The following PLSCR1 variants were observed in gnomAD, a reference collection of about 807,000 sequenced individuals.
PLSCR1 encodes the protein phospholipid scramblase 1, also known as PL scramblase 1.
PLSCR1 carries 17 observed loss-of-function variants against 37.8 expected under a neutral mutation model. That is an observed-to-expected ratio of 0.45 (90% CI 0.31 to 0.68). PLSCR1 has a LOEUF of 0.68. PLSCR1 is among the 30% of genes least tolerant of loss of function. PLSCR1 has a pLI of 0.06. For missense variants in PLSCR1, 347 were observed against 380.9 expected (o/e 0.91, Z 0.74); for synonymous variants, 116 against 125.9 (o/e 0.92, Z 0.53).
chr3:146,529,674 A>G (rs2044169609), intron 3 of PLSCR1, among the ~76,000 whole-genome samples: 1 of 151,916 alleles, frequency 6.6e-6, no homozygotes, highest in Non-Finnish European at 1.5e-5. Flanking sequence ...CACCACGCCC[A>G]GCTAATTTTT....
intron 5 of PLSCR1, among the ~76,000 whole-genome samples, chr3:146,524,250 C>A (rs1415268326): frequency 6.6e-6 from 1 of 152,004 alleles, no homozygotes; most frequent in African/African-American, 2.4e-5. Flanking sequence ...CTTTAAGTTT[C>A]TTTTCATTTA....
intron 7 of PLSCR1, 61 bp from the exon 8 acceptor site, chr3:146,517,228 A>C: frequency 1.1e-6 from 1 of 940,994 alleles, no homozygotes; most frequent in Non-Finnish European, 1.5e-6. Context: ...AGTACTTTCA[A>C]ATTTGAAGTA....
intron 1 of PLSCR1, among the ~76,000 whole-genome samples, chr3:146,543,357 C>T (rs2044361907): frequency 6.6e-6 from 1 of 151,324 alleles, no homozygotes; most frequent in African/African-American, 2.4e-5. Flanking sequence ...TTGCATAAAT[C>T]CACTCTTTCC....
chr3:146,532,327 T>C (rs1342102856), intron 3 of PLSCR1, among the ~76,000 whole-genome samples: 1 of 152,212 alleles, frequency 6.6e-6, no homozygotes, highest in Non-Finnish European at 1.5e-5. Context: ...GAGCAGATGT[T>C]CTCAACCCTG....
At chr3:146,528,505 T>C (rs2044150355) in intron 4 of PLSCR1, 109 bp downstream of exon 4, 1 of 859,748 alleles carries the variant, frequency 1.2e-6, no homozygotes, top group Non-Finnish European at 1.9e-6. Flanking sequence ...TAGCAGAAAA[T>C]ACAGTTTTGC....
At chr3:146,534,945 A>G (rs2738923) in intron 2 of PLSCR1, among the ~76,000 whole-genome samples, 41,766 of 152,030 alleles carry the variant, frequency 0.27, 5,997 homozygotes, top group African/African-American at 0.33. Context: ...TTCCCTGGAC[A>G]AACATTGCAA....
intron 1 of PLSCR1, among the ~76,000 whole-genome samples, chr3:146,537,356 G>A (rs895150300): frequency 2.0e-5 from 3 of 151,892 alleles, no homozygotes; most frequent in African/African-American, 4.8e-5. Context: ...CCCTTTTAGC[G>A]ACAATGCATT....
chr3:146,527,360 G>A (rs1014822090), intron 4 of PLSCR1, among the ~76,000 whole-genome samples: 2 of 152,148 alleles, frequency 1.3e-5, no homozygotes, highest in African/African-American at 2.4e-5. Flanking sequence ...ACTAAGAAAT[G>A]ATAAATATTA....
At chr3:146,539,240 C>T (rs762258367) in intron 1 of PLSCR1, among the ~76,000 whole-genome samples, 1 of 152,178 alleles carries the variant, frequency 6.6e-6, no homozygotes, top group Non-Finnish European at 1.5e-5. Context: ...AGATCCCTCA[C>T]ACATGCAGTT....
At chr3:146,524,832 G>A (rs1467024479) in intron 5 of PLSCR1, among the ~76,000 whole-genome samples, 1 of 152,156 alleles carries the variant, frequency 6.6e-6, no homozygotes, top group Non-Finnish European at 1.5e-5. Context: ...TTTACCAGTG[G>A]AAAGAAACTT....
At chr3:146,517,430 T>C in intron 7 of PLSCR1, 1 of 180,604 alleles carries the variant, frequency 5.5e-6, no homozygotes, top group Non-Finnish European at 1.1e-5. Context: ...ATAAATTATT[T>C]GAATTGACCC....
intron 2 of PLSCR1, among the ~76,000 whole-genome samples, chr3:146,534,359 AT>A (rs34050345): frequency 0.27 from 41,704 of 151,920 alleles, 5,967 homozygotes; most frequent in African/African-American, 0.33. Flanking sequence ...TTATCTCCTT[AT>A]CTGTTTCCTT....
intron 1 of PLSCR1, among the ~76,000 whole-genome samples, chr3:146,539,544 A>C (rs2044310262): frequency 6.6e-6 from 1 of 152,172 alleles, no homozygotes; most frequent in African/African-American, 2.4e-5. Context: ...AACAACCATG[A>C]ATACACATGG....
At chr3:146,531,092 A>G (rs562001368) in intron 3 of PLSCR1, among the ~76,000 whole-genome samples, 2 of 152,300 alleles carry the variant, frequency 1.3e-5, no homozygotes, top group East Asian at 1.9e-4. Flanking sequence ...GTCGCTATTG[A>G]GATGGGAAGA....
At chr3:146,535,962 T>A (rs890234166) in intron 2 of PLSCR1, among the ~76,000 whole-genome samples, 1 of 152,208 alleles carries the variant, frequency 6.6e-6, no homozygotes, top group Non-Finnish European at 1.5e-5. Context: ...CCCTATGTAG[T>A]GGGAATTTTG....
intron 4 of PLSCR1, among the ~76,000 whole-genome samples, chr3:146,526,183 C>CAAAAAAAAAAAAAAAAAAAAAAGAAAAA: frequency 2.3e-5 from 1 of 42,822 alleles, no homozygotes; most frequent in Non-Finnish European, 4.1e-5. Context: ...GACTCCATCT[C>CAAAAAAAAAAAAAAAAAAAAAAGAAAAA]AAAAAAAAAA....
At chr3:146,527,756 AAG>A (rs1409660098) in intron 4 of PLSCR1, among the ~76,000 whole-genome samples, 1 of 152,218 alleles carries the variant, frequency 6.6e-6, no homozygotes, top group Non-Finnish European at 1.5e-5. Context: ...TAAGTTACTA[AAG>A]AGAGTGCAAG....
chr3:146,540,555 CT>C (rs1474606133), intron 1 of PLSCR1, among the ~76,000 whole-genome samples: 4 of 152,132 alleles, frequency 2.6e-5, no homozygotes, highest in Non-Finnish European at 5.9e-5. Context: ...GGGAAGCATA[CT>C]TAATTTTGAA....
intron 5 of PLSCR1, among the ~76,000 whole-genome samples, chr3:146,524,685 T>C (rs2044081682): frequency 6.6e-6 from 1 of 152,132 alleles, no homozygotes; most frequent in African/African-American, 2.4e-5. Context: ...AGAGAAAGCT[T>C]TGTTTAGATA....
Sources: gnomAD v4.1 joint callset for allele counts (sites outside exome capture counted in the v4.1 genomes callset) on GRCh38, gnomAD v4.1.1 for gene constraint, MANE v1.5 for transcripts, NCBI Gene and HGNC (gene_info 2026-07-23, HGNC 2026-07-21) for gene names.